Variants in LARGE1 observed in about 807,000 individuals in gnomAD.
LARGE1 encodes the protein xylosyl- and glucuronyltransferase LARGE1.
LARGE1 carries 43 observed loss-of-function variants against 87.6 expected under a neutral mutation model. The observed-to-expected ratio is 0.49, with a 90% CI of 0.38 to 0.63. The LOEUF is 0.63. LARGE1 is among the 30% of genes least tolerant of loss of function. The probability of loss-of-function intolerance (pLI) is 0.00; values close to 1 mark genes in which losing one functional copy is unlikely to be tolerated. For missense variants in LARGE1, 802 were observed against 1,000.2 expected, an observed-to-expected ratio of 0.80 and a Z score of 2.67; for synonymous variants, 434 against 394.6, an observed-to-expected ratio of 1.10 and a Z score of -1.18.
chr22:33,805,485 G>C (rs1379344949), intron 1 of LARGE1, among the ~76,000 whole-genome samples: 3 of 152,094 alleles, frequency 2.0e-5, no homozygotes, highest in Admixed American at 2.0e-4. Context: ...TGTAATCCCA[G>C]CACTTTGGGA....
chr22:33,591,509 T>C (rs2078837219), intron 5 of LARGE1, among the ~76,000 whole-genome samples: 1 of 152,186 alleles, frequency 6.6e-6, no homozygotes, highest in Admixed American at 6.5e-5. Flanking sequence ...TGGGTTGTTT[T>C]CTTATTATTG....
intron 1 of LARGE1, among the ~76,000 whole-genome samples, chr22:33,849,815 G>A (rs2063536936): frequency 6.6e-6 from 1 of 151,966 alleles, no homozygotes; most frequent in South Asian, 2.1e-4. Flanking sequence ...TGGCCAGGCT[G>A]GTCTCAAACT....
At chr22:33,542,162 C>CAAA (rs150998193) in intron 6 of LARGE1, among the ~76,000 whole-genome samples, 72 of 92,420 alleles carry the variant, frequency 7.8e-4, no homozygotes, top group South Asian at 3.8e-3. Context: ...AACTCTGTCT[C>CAAA]AAAAAAAAAA....
the LARGE1 span, among the ~76,000 whole-genome samples, chr22:33,067,979 A>G: frequency 2.0e-5 from 3 of 147,394 alleles, no homozygotes; most frequent in Non-Finnish European, 4.6e-5. Flanking sequence ...GACTGTCTCA[A>G]AAAAAAAAAA....
intron 3 of LARGE1, among the ~76,000 whole-genome samples, chr22:33,643,474 T>C (rs1244459392): frequency 6.6e-6 from 1 of 151,514 alleles, no homozygotes; most frequent in Non-Finnish European, 1.5e-5. Context: ...CCCTAACAAC[T>C]AGAGAAGCAA....
At chr22:33,145,725 C>T in the LARGE1 span, among the ~76,000 whole-genome samples, 4 of 152,200 alleles carry the variant, frequency 2.6e-5, no homozygotes, top group Admixed American at 1.3e-4. Flanking sequence ...AGAAAGGATG[C>T]TTTCTACTGC....
chr22:33,901,924 T>C (rs923128472), intron 1 of LARGE1, among the ~76,000 whole-genome samples: 3 of 152,224 alleles, frequency 2.0e-5, no homozygotes, highest in Non-Finnish European at 4.4e-5. Context: ...TGAAAGCTGC[T>C]ACCTACTCCC....
the LARGE1 span, among the ~76,000 whole-genome samples, chr22:33,111,775 T>C: frequency 6.6e-6 from 1 of 152,178 alleles, no homozygotes; most frequent in African/African-American, 2.4e-5. Flanking sequence ...ATGAAATAAA[T>C]GATGTAATAG....
chr22:33,692,586 T>C (rs1262077472), intron 2 of LARGE1, among the ~76,000 whole-genome samples: 5 of 152,218 alleles, frequency 3.3e-5, no homozygotes, highest in Non-Finnish European at 5.9e-5. Flanking sequence ...GGTGGAATTA[T>C]AGGCGTGAGC....
In LARGE1 at chr22:33,584,585, T is replaced by C. The variant is rs571373391; in HGVS notation, c.616-19566A>G. On this transcript the variant is annotated intron_variant, in intron 5 of 14. Coordinates refer to ENST00000397394, the MANE Select transcript of LARGE1 (RefSeq NM_133642.5). The stretch of plus-strand genomic sequence containing the variant: ...ATTTGTATCTAGGTACAGACCTGAG[T>C]TGTTTCCTCCTAATCAGATGAGAAT... Among the ~76,000 whole-genome samples the C allele has an allele frequency of 1.1e-4, 16 of 152,262 alleles. No homozygotes were observed. The South Asian group carries it at 3.3e-3, about 32-fold the overall frequency.
At chr22:33,528,248 A>C (rs745461262) in intron 6 of LARGE1, among the ~76,000 whole-genome samples, 7 of 152,242 alleles carry the variant, frequency 4.6e-5, no homozygotes, top group Non-Finnish European at 8.8e-5. Context: ...TATTTCTCAT[A>C]AAGGGTCGCA....
chr22:33,911,268 G>A (rs1055612105), intron 1 of LARGE1, among the ~76,000 whole-genome samples: 13 of 152,120 alleles, frequency 8.5e-5, no homozygotes, highest in Non-Finnish European at 1.9e-4. Flanking sequence ...TAGTTTCTAC[G>A]GATGTAAAAT....
intron 2 of LARGE1, among the ~76,000 whole-genome samples, chr22:33,692,282 C>T (rs1296955161): frequency 6.6e-6 from 1 of 151,578 alleles, no homozygotes; most frequent in East Asian, 1.9e-4. Flanking sequence ...CATGCAGTAA[C>T]ACGGCCTTCC....
the LARGE1 span, among the ~76,000 whole-genome samples, chr22:33,089,463 C>CTT: frequency 8.9e-6 from 1 of 112,408 alleles, no homozygotes; most frequent in Admixed American, 9.3e-5. Flanking sequence ...TCCTCCTCTT[C>CTT]CTCTTCTTCT....
chr22:33,853,292 T>G (rs747539527), intron 1 of LARGE1, among the ~76,000 whole-genome samples: 1 of 152,112 alleles, frequency 6.6e-6, no homozygotes, highest in Non-Finnish European at 1.5e-5. Context: ...TAGGATCAAA[T>G]CCAGAAGTAA....
At chr22:33,198,547 A>AGAATAGT (rs943727395) in intron 11 of LARGE1, among the ~76,000 whole-genome samples, 21 of 151,994 alleles carry the variant, frequency 1.4e-4, no homozygotes, top group South Asian at 8.4e-4. Context: ...AATATTCACC[A>AGAATAGT]GAATAGTGAA....
At chr22:33,166,965 T>TC in intron 11 of LARGE1, 1 of 401,772 alleles carries the variant, frequency 2.5e-6, no homozygotes, top group Admixed American at 2.9e-5. Context: ...AGAGCGAAAC[T>TC]CCCCCTTCTC....
chr22:33,872,048 G>A (rs1017045176), intron 1 of LARGE1, among the ~76,000 whole-genome samples: 29 of 151,580 alleles, frequency 1.9e-4, no homozygotes, highest in African/African-American at 7.0e-4. Flanking sequence ...GGTGGCAGGA[G>A]GTGGGAGTGA....
intron 6 of LARGE1, among the ~76,000 whole-genome samples, chr22:33,493,866 A>T (rs1484136863): frequency 3.3e-5 from 5 of 152,206 alleles, no homozygotes; most frequent in African/African-American, 1.2e-4. Context: ...GACTCCTGAC[A>T]TAATTAAGAG....
Sources: allele counts gnomAD v4.1 joint callset (sites outside exome capture counted in the v4.1 genomes callset), GRCh38; gene constraint gnomAD v4.1.1; transcripts MANE v1.5; gene names NCBI Gene and HGNC (gene_info 2026-07-23, HGNC 2026-07-21).